Variants in TTN observed in about 807,000 individuals in gnomAD.
The protein encoded by TTN is connectin.
TTN carries 1,525 observed loss-of-function variants against 3,223.0 expected under a neutral mutation model. That is an observed-to-expected ratio of 0.47 (90% CI 0.45 to 0.49). The LOEUF (loss-of-function observed/expected upper bound fraction) is 0.49. Among genes scored for constraint, TTN ranks in the 20% least tolerant of loss-of-function variants. The pLI is 0.00. For synonymous variants in TTN, 14,094 were observed against 15,161.0 expected, an observed-to-expected ratio of 0.93 and a Z score of 5.17; for missense variants, 40,786 against 43,424.0, an observed-to-expected ratio of 0.94 and a Z score of 5.40.
chr2:178,600,705 T>G, intron 288 of TTN, 149 bp downstream of exon 288: 3 of 880,862 alleles, frequency 3.4e-6, no homozygotes, highest in Non-Finnish European at 5.5e-6. Context: ...ATTGAAGGAA[T>G]GAGTAATTAA....
chr2:178,559,526 G>C lies in TTN; in HGVS notation c.86606C>G (p.Pro28869Arg). 6.2e-7 allele frequency: 1 copy of C among 1,613,764 alleles called. No homozygotes were observed. Residue 28869 changes from proline to arginine, a missense_variant, in exon 326 of 363, where the codon CCT (proline) becomes CGT (arginine). By Grantham distance (103) the Pro-to-Arg change is moderately radical. Transcript: ENST00000589042. The stretch of plus-strand genomic sequence containing the variant: ...CACTGGTGCTCCACCATCGTTTTCA[G>C]GAACATCCCAGGATAACACTGCAGA... ...KESAVLSWDV[P>R]ENDGGAPVKN... is the part of the protein sequence containing the mutation.
In TTN at chr2:178,573,457, C is replaced by A; in HGVS notation, c.72675G>T (p.Pro24225=). The change falls in exon 326 of 363, where the codon CCG becomes CCT. Residue 24225 remains proline (P), a synonymous_variant. Coordinates refer to ENST00000589042, the MANE Select transcript of TTN (RefSeq NM_001267550.2). ...TAGTTGTCACTTCAGGGTTTTTGGGCGGATCAGGGGGTCCATAAGGATTCA... is the reference window on the plus strand; with the variant it reads ...TAGTTGTCACTTCAGGGTTTTTGGGAGGATCAGGGGGTCCATAAGGATTCA... ...LAVNPYGPPD[P]PKNPEVTTIT... The A allele has an allele frequency of 6.6e-7, 1 of 1,514,706 alleles. No individual in the cohort carries two copies. The allele number at this position is 1,514,706 out of a possible 1,614,324, so 93.8% of individuals were successfully genotyped here.
At chr2:178,721,576 A>G (rs2078370604) in intron 78 of TTN, among the ~76,000 whole-genome samples, 6 of 152,086 alleles carry the variant, frequency 3.9e-5, no homozygotes. Flanking sequence ...ACAAGAAAGC[A>G]TTAAAAAATG....
At position 178,531,396 on chromosome 2, in the gene TTN, C is replaced by T. The variant is rs1689052563; in HGVS notation, c.105219G>A (p.Met35073Ile). 1.2e-6 allele frequency: 2 copies of T among 1,613,864 alleles called. No individual in the cohort carries two copies. Among genetic ancestry groups the T allele is most frequent in the Non-Finnish European group, 1.7e-6 (2 of 1,179,890 alleles). The change falls in exon 358 of 363, where the codon ATG becomes ATA. Residue 35073 changes from methionine to isoleucine, a missense_variant. Met to Ile is a conservative substitution (Grantham distance 10). Coordinates refer to ENST00000589042, the MANE Select transcript of TTN (RefSeq NM_001267550.2). Reference sequence around the variant, plus strand: ...CTTCCCTGACAGAAGACGAAGCTTCCATCTCAGATGTTTTCTTAAATGATG... The same window carrying T: ...CTTCCCTGACAGAAGACGAAGCTTCTATCTCAGATGTTTTCTTAAATGATG... ...AVSSFKKTSEMEASSSVREVK... is the reference protein window; with the variant it reads ...AVSSFKKTSEIEASSSVREVK...
rs10164753 is a variant in TTN at position 178,574,139 on chromosome 2, C to T, written c.71993G>A (p.Arg23998His). ...GLTEDAAYEF[R>H]VIAKNAAGAI... is the part of the protein sequence containing the mutation. Reference sequence around the variant, plus strand: ...ACCTGCAGCATTTTTGGCGATCACACGGAATTCATATGCAGCATCTTCTGT... The same window carrying T: ...ACCTGCAGCATTTTTGGCGATCACATGGAATTCATATGCAGCATCTTCTGT... Residue 23998 changes from arginine (R) to histidine (H), a missense_variant, in exon 326 of 363, where the codon CGT becomes CAT. Coordinates refer to ENST00000589042, the MANE Select transcript of TTN (RefSeq NM_001267550.2). 0.049 allele frequency: 79,044 copies of T among 1,613,490 alleles called. 3,832 individuals are homozygous for T. The highest frequency in any genetic ancestry group is 0.19 in the Admixed American group (11,206 of 59,980).
Position 178,698,836 on chromosome 2 carries a change from A to G in TTN, c.30754+7T>C. 1.3e-6 allele frequency: 2 copies of G among 1,544,914 alleles called. No individual in the cohort carries two copies. The highest frequency in any genetic ancestry group is 1.7e-6 in the Non-Finnish European group (2 of 1,145,426). On this transcript the variant is annotated splice_region_variant and intron_variant, in intron 112 of 362. Coordinates refer to ENST00000589042, the MANE Select transcript of TTN (RefSeq NM_001267550.2). ...TGTTAAGACTGCTTTTTGATTAATT[A>G]TAATACCTTCACGTGGTGTCATCTC...
intron 88 of TTN, among the ~76,000 whole-genome samples, chr2:178,716,392 C>T (rs2077485013): frequency 6.6e-6 from 1 of 152,076 alleles, no homozygotes; most frequent in Non-Finnish European, 1.5e-5. Flanking sequence ...AGCTATATGT[C>T]ATAGAGCAAA....
At position 178,549,279 on chromosome 2, in the gene TTN, T is replaced by G; in HGVS notation, c.92347A>C (p.Thr30783Pro). 1 of 1,613,958 alleles carries G rather than the reference T, an allele frequency of 6.2e-7. No individual in the cohort carries two copies. Among genetic ancestry groups the G allele is most frequent in the Non-Finnish European group, 8.5e-7 (1 of 1,179,846 alleles). The change falls in exon 339 of 363, where the codon ACT (threonine) becomes CCT (proline). Residue 30783 changes from threonine to proline, a missense_variant. Physicochemically the swap from Thr to Pro is conservative, Grantham distance 38 (BLOSUM62 -1). Coordinates refer to ENST00000589042, the MANE Select transcript of TTN (RefSeq NM_001267550.2). Reference sequence around the variant, plus strand: ...TACTCATTGCCTTCTGTCAGACCAGTGACTTTGAATCTTGTTTCAGAGATT... The same window carrying G: ...TACTCATTGCCTTCTGTCAGACCAGGGACTTTGAATCTTGTTTCAGAGATT... ...RPISETRFKV[T>P]GLTEGNEYEF...
intron 307 of TTN, 135 bp downstream of exon 307, chr2:178,586,983 G>A (rs1309048551): frequency 1.3e-5 from 18 of 1,370,506 alleles, no homozygotes; most frequent in Non-Finnish European, 1.8e-5. Flanking sequence ...TCATGAGTGA[G>A]ATAGATATTT....
At position 178,667,316 on chromosome 2, in the gene TTN, G is replaced by C. The variant is rs781317174; in HGVS notation, c.35717C>G (p.Pro11906Arg). The change falls in exon 162 of 363, where the codon CCT (proline) becomes CGT (arginine). Residue 11906 changes from proline to arginine, a missense_variant. Physicochemically the swap from Pro to Arg is moderately radical, Grantham distance 103 (BLOSUM62 -2). Coordinates refer to ENST00000589042, the MANE Select transcript of TTN (RefSeq NM_001267550.2). ...KKRETPATKE[P>R]DTTRGIFPEV... ...TGGAAAAATGCCTCTGGTTGTATCAGGTTCTTTAAAGATATTAGTAGGTTT... is the reference window on the plus strand; with the variant it reads ...TGGAAAAATGCCTCTGGTTGTATCACGTTCTTTAAAGATATTAGTAGGTTT... 7.5e-6 allele frequency: 12 copies of C among 1,599,474 alleles called. No homozygotes were observed. The Admixed American group carries it at 1.9e-4, about 25-fold the overall frequency.
intron 226 of TTN, 44 bp downstream of exon 226, chr2:178,635,919 A>C: frequency 6.5e-7 from 1 of 1,538,480 alleles, no homozygotes; most frequent in Non-Finnish European, 8.7e-7. Context: ...CCATTTTCTT[A>C]GTGTAACAAT....
At chr2:178,751,765 T>G (rs772817345) in intron 47 of TTN, 2 of 1,613,202 alleles carry the variant, frequency 1.2e-6, no homozygotes, top group South Asian at 1.1e-5. Context: ...GAAGACCTGT[T>G]GGGATGGGCC....
At chr2:178,747,012 A>C (rs765738120) in intron 47 of TTN, 1 of 1,613,364 alleles carries the variant, frequency 6.2e-7, no homozygotes, top group Non-Finnish European at 8.5e-7. Flanking sequence ...TATGTTTTAA[A>C]AGTACCAGTG....
chr2:178,622,581 GACTA>G (rs894531356), intron 243 of TTN, 85 bp downstream of exon 243: 15 of 1,054,964 alleles, frequency 1.4e-5, no homozygotes, highest in Middle Eastern at 2.0e-4. Context: ...GAGAAGTTGT[GACTA>G]ACTTTTTTTT....
rs1421828840 is a variant in TTN, at chr2:178,777,778, A to G, written c.4406T>C (p.Leu1469Ser). Residue 1469 changes from leucine to serine, a missense_variant, in exon 25 of 363, where the codon TTA (leucine) becomes TCA (serine). Physicochemically the swap from Leu to Ser is moderately radical, Grantham distance 145 (BLOSUM62 -2). Coordinates refer to ENST00000589042, the MANE Select transcript of TTN (RefSeq NM_001267550.2). ...FVLKPVSFKC[L>S]EGQTARFDLK... ...GTCAAATCTGGCAGTTTGCCCTTCT[A>G]AACATTTGAAAGAAACAGGTTTTAA... 6.2e-7 allele frequency: 1 copy of G among 1,613,942 alleles called. No homozygotes were observed. The highest frequency in any genetic ancestry group is 1.3e-5 in the African/African-American group (1 of 74,906).
chr2:178,728,525 G>T lies in TTN; in HGVS notation c.19401C>A (p.Ser6467Arg), dbSNP rs1454652385. The T allele has an allele frequency of 6.2e-7, 1 of 1,612,040 alleles. No individual in the cohort carries two copies. Among genetic ancestry groups the T allele is most frequent in the Admixed American group, 1.7e-5 (1 of 59,828 alleles). ...CTAGCACTCTTAAGTAGGCATCACA[G>T]CTACTGCTTCCGAAGTCATTTTCCA... ...FKVENDFGSS[S>R]CDAYLRVLDQ... Residue 6467 changes from serine (S) to arginine (R), a missense_variant, in exon 66 of 363, where the codon AGC becomes AGA. Ser to Arg is a moderately radical substitution (Grantham distance 110, BLOSUM62 -1). Coordinates refer to ENST00000589042, the MANE Select transcript of TTN (RefSeq NM_001267550.2).
At chr2:178,613,603 T>G in intron 263 of TTN, 148 bp downstream of exon 263, 2 of 774,926 alleles carry the variant, frequency 2.6e-6, no homozygotes, top group Non-Finnish European at 3.8e-6. Context: ...ATATAATTTT[T>G]CAAATTATGA....
Position 178,560,647 on chromosome 2 carries a change from G to A in TTN, c.85485C>T (p.His28495=). The A allele has an allele frequency of 6.2e-7, 1 of 1,613,610 alleles. No individual in the cohort carries two copies. The highest frequency in any genetic ancestry group is 8.5e-7 in the Non-Finnish European group (1 of 1,179,778). Residue 28495 remains histidine (H), a synonymous_variant, in exon 326 of 363, where the codon CAC becomes CAT. Coordinates refer to ENST00000589042, the MANE Select transcript of TTN (RefSeq NM_001267550.2). ...YYIVEKRETS[H]LAWTICEGEL... Reference sequence around the variant, plus strand: ...CTCCTTCACATATTGTCCATGCAAGGTGGCTTGTTTCACGTTTTTCTACGA... The same window carrying A: ...CTCCTTCACATATTGTCCATGCAAGATGGCTTGTTTCACGTTTTTCTACGA...
chr2:178,678,279 A>T, intron 144 of TTN, 71 bp from the exon 145 acceptor site: 1 of 1,536,140 alleles, frequency 6.5e-7, no homozygotes. Flanking sequence ...TATGAAAAAG[A>T]ATCACAAAAT....
Sources: allele counts gnomAD v4.1 joint callset (sites outside exome capture counted in the v4.1 genomes callset), GRCh38; gene constraint gnomAD v4.1.1; transcripts MANE v1.5; gene names NCBI Gene and HGNC (gene_info 2026-07-23, HGNC 2026-07-21).